The following PPP1R13B variants were observed in gnomAD, a reference collection of about 807,000 sequenced individuals.
The protein encoded by PPP1R13B is apoptosis-stimulating of p53 protein 1.
Under a neutral mutation model 119.8 loss-of-function variants are expected in PPP1R13B, and 44 were observed. The observed-to-expected ratio is 0.37, with a 90% CI of 0.29 to 0.47. The LOEUF (loss-of-function observed/expected upper bound fraction) is 0.47, where lower values mean the gene tolerates loss of function less well. PPP1R13B is among the 20% of genes least tolerant of loss of function. The pLI, the probability that PPP1R13B is intolerant of heterozygous loss-of-function variation, is 0.99. For missense variants in PPP1R13B, 1,227 were observed against 1,413.5 expected, an observed-to-expected ratio of 0.87 and a Z score of 2.12; for synonymous variants, 542 against 561.5, an observed-to-expected ratio of 0.97 and a Z score of 0.49.
At position 103,763,102 on chromosome 14, in the gene PPP1R13B, C is replaced by T; in HGVS notation, c.355-5351G>A. The T allele has an allele frequency of 8.2e-6, 7 of 856,818 alleles. No homozygotes were observed. In the East Asian group the frequency reaches 1.9e-4, roughly 23 times the overall value. 53.1% of individuals were successfully genotyped at this position (856,818 alleles called of 1,614,324 possible). A position where few individuals can be genotyped will look rare whatever the true frequency, so the allele number is the denominator to read the frequency against. On this transcript the variant is annotated intron_variant, in intron 4 of 16. Coordinates refer to ENST00000202556, the MANE Select transcript of PPP1R13B (RefSeq NM_015316.3). Reference sequence around the variant, plus strand: ...CACTTTGTGAAGGTTCCTGGGGTGGCCTGCAGCAGCTTTTCCCGCAGCTCC... The same window carrying T: ...CACTTTGTGAAGGTTCCTGGGGTGGTCTGCAGCAGCTTTTCCCGCAGCTCC...
chr14:103,756,416 A>G (rs2084679799), intron 5 of PPP1R13B, among the ~76,000 whole-genome samples: 1 of 152,194 alleles, frequency 6.6e-6, no homozygotes, highest in African/African-American at 2.4e-5. Context: ...AAGATCATTT[A>G]CAACATGAAT....
Position 103,761,856 on chromosome 14 carries a change from T to C in PPP1R13B, c.355-4105A>G, listed in dbSNP as rs1483047775. ...CATTACAATTTCAGGCAAATATACA[T>C]ACTAATTTAGTCAACCCAATTGTTC... On this transcript the variant is annotated intron_variant, in intron 4 of 16. Coordinates refer to ENST00000202556, the MANE Select transcript of PPP1R13B (RefSeq NM_015316.3). Among the ~76,000 whole-genome samples the C allele has an allele frequency of 7.2e-5, 11 of 152,336 alleles. No individual in the cohort carries two copies. In the East Asian group the frequency reaches 2.1e-3, roughly 29 times the overall value.
intron 1 of PPP1R13B, among the ~76,000 whole-genome samples, chr14:103,803,105 C>T (rs1042349723): frequency 6.6e-6 from 1 of 152,158 alleles, no homozygotes; most frequent in Admixed American, 6.6e-5. Flanking sequence ...TCAGCTTAAA[C>T]ATGACTAAAG....
intron 4 of PPP1R13B, among the ~76,000 whole-genome samples, chr14:103,765,943 G>C (rs1595743612): frequency 6.6e-6 from 1 of 151,482 alleles, no homozygotes; most frequent in Admixed American, 6.6e-5. Context: ...GTTTACAGTT[G>C]TCTTAGATGA....
chr14:103,791,702 ACAGAG>A (rs1443094751), intron 2 of PPP1R13B, among the ~76,000 whole-genome samples: 2 of 152,188 alleles, frequency 1.3e-5, no homozygotes, highest in Non-Finnish European at 2.9e-5. Context: ...CCAGCCTGGG[ACAGAG>A]CAAGACTCCA....
intron 1 of PPP1R13B, among the ~76,000 whole-genome samples, chr14:103,823,275 G>C (rs566423413): frequency 2.6e-5 from 4 of 151,558 alleles, no homozygotes; most frequent in African/African-American, 9.7e-5. Context: ...GGAGGCGGAG[G>C]TTGCAGTGAG....
intron 3 of PPP1R13B, among the ~76,000 whole-genome samples, chr14:103,779,080 G>A (rs974773598): frequency 6.6e-6 from 1 of 151,996 alleles, no homozygotes; most frequent in Non-Finnish European, 1.5e-5. Context: ...TTGAGCCCAT[G>A]AGTTCTAGAC....
chr14:103,805,036 C>T (rs544113737), intron 1 of PPP1R13B, among the ~76,000 whole-genome samples: 1 of 152,148 alleles, frequency 6.6e-6, no homozygotes, highest in South Asian at 2.1e-4. Context: ...GGGGTTTCAC[C>T]ATATTGGCCA....
intron 4 of PPP1R13B, chr14:103,762,681 A>C: frequency 3.7e-6 from 2 of 543,570 alleles, no homozygotes; most frequent in Non-Finnish European, 6.7e-6. Flanking sequence ...AAAAACGGGA[A>C]CCAAGAGCAA....
At chr14:103,810,093 G>A (rs1446240595) in intron 1 of PPP1R13B, among the ~76,000 whole-genome samples, 4 of 151,902 alleles carry the variant, frequency 2.6e-5, no homozygotes, top group East Asian at 2.0e-4. Context: ...CAAAGTGCTG[G>A]AATTACAAGT....
rs1024191074 is a variant in PPP1R13B, at chr14:103,786,825, A to G, written c.158-1911T>C. 6.1e-5 allele frequency among the ~76,000 whole-genome samples: 9 copies of G among 147,152 alleles called. No homozygotes were observed. The East Asian group carries it at 1.6e-3, about 27-fold the overall frequency. ...GTGGTGCACGCCTGTGGTCCCAGCT[A>G]CTCAGGAGGCTGAGGTGGGAGGATC... On this transcript the variant is annotated intron_variant, in intron 2 of 16. Transcript: ENST00000202556.
At chr14:103,799,713 A>G (rs1305943831) in intron 1 of PPP1R13B, among the ~76,000 whole-genome samples, 1 of 150,952 alleles carries the variant, frequency 6.6e-6, no homozygotes, top group Admixed American at 6.6e-5. Context: ...CCTTTTCCTC[A>G]GTGGAACAAT....
chr14:103,745,067 G>C (rs1355764059), intron 9 of PPP1R13B, among the ~76,000 whole-genome samples: 1 of 152,180 alleles, frequency 6.6e-6, no homozygotes, highest in Middle Eastern at 3.2e-3. Flanking sequence ...CCACAGGGTG[G>C]TTCAAACTAT....
intron 15 of PPP1R13B, chr14:103,737,452 T>C: frequency 4.8e-6 from 2 of 420,522 alleles, no homozygotes; most frequent in South Asian, 4.7e-5. Context: ...GGGACAAGCC[T>C]GTAGTCCCAG....
chr14:103,751,400 C>A (rs2084541812), intron 7 of PPP1R13B, among the ~76,000 whole-genome samples: 1 of 152,094 alleles, frequency 6.6e-6, no homozygotes, highest in Non-Finnish European at 1.5e-5. Flanking sequence ...AGTTAAATAC[C>A]CTCATTTCAT....
At chr14:103,785,913 C>A (rs1258553647) in intron 2 of PPP1R13B, among the ~76,000 whole-genome samples, 1 of 152,186 alleles carries the variant, frequency 6.6e-6, no homozygotes, top group East Asian at 1.9e-4. Context: ...GGACAGGGCA[C>A]TTCCTGGCAA....
At chr14:103,785,633 TC>T (rs2085445012) in intron 2 of PPP1R13B, among the ~76,000 whole-genome samples, 1 of 150,748 alleles carries the variant, frequency 6.6e-6, no homozygotes, top group Non-Finnish European at 1.5e-5. Context: ...TGCCTCGGCC[TC>T]CTGAGTAGCT....
At chr14:103,764,777 C>T (rs1241058094) in intron 4 of PPP1R13B, among the ~76,000 whole-genome samples, 1 of 151,932 alleles carries the variant, frequency 6.6e-6, no homozygotes, top group African/African-American at 2.4e-5. Flanking sequence ...TTGAACATAC[C>T]AACAAAACTT....
At chr14:103,846,328 C>T (rs1164848403) in intron 1 of PPP1R13B, among the ~76,000 whole-genome samples, 1 of 152,142 alleles carries the variant, frequency 6.6e-6, no homozygotes, top group Non-Finnish European at 1.5e-5. Context: ...ATCTAAATGT[C>T]CTTGGGTGCA....
Sources: allele counts gnomAD v4.1 joint callset (sites outside exome capture counted in the v4.1 genomes callset), GRCh38; gene constraint gnomAD v4.1.1; transcripts MANE v1.5; gene names NCBI Gene and HGNC (gene_info 2026-07-23, HGNC 2026-07-21).